The following CEMIP variants were observed in gnomAD, a reference collection of about 807,000 sequenced individuals.
CEMIP encodes the protein cell migration-inducing and hyaluronan-binding protein.
A neutral mutation model predicts 156.9 loss-of-function variants in CEMIP; 105 were observed. That is an observed-to-expected ratio of 0.67 (90% CI 0.57 to 0.79). The LOEUF is 0.79. CEMIP is among the 30% of genes least tolerant of loss of function. The probability of loss-of-function intolerance (pLI) is 0.00; values close to 1 mark genes in which losing one functional copy is unlikely to be tolerated. For synonymous variants in CEMIP, 676 were observed against 668.4 expected, an observed-to-expected ratio of 1.01 and a Z score of -0.17; for missense variants, 1,457 against 1,769.4, an observed-to-expected ratio of 0.82 and a Z score of 3.17.
chr15:80,879,808 G>A lies in CEMIP; in HGVS notation c.334G>A (p.Ala112Thr). Residue 112 changes from alanine (A) to threonine (T), a missense_variant, in exon 5 of 30, where the codon GCC becomes ACC. By Grantham distance (58) the Ala-to-Thr change is moderately conservative (BLOSUM62 0). Transcript: ENST00000394685. ...CGGAGGAGAGCTGCATGCTGGGAGT[G>A]CCCTCTGCCCTTTCCAGGGCAATTT... Reference protein sequence around the residue: ...DNGGELHAGSALCPFQGNFTI... With the variant: ...DNGGELHAGSTLCPFQGNFTI... 6.2e-7 allele frequency: 1 copy of A among 1,614,180 alleles called. No individual in the cohort carries two copies. The highest frequency in any genetic ancestry group is 8.5e-7 in the Non-Finnish European group (1 of 1,180,030).
At chr15:80,789,367 G>A (rs191566897) in intron 1 of CEMIP, among the ~76,000 whole-genome samples, 20 of 152,242 alleles carry the variant, frequency 1.3e-4, no homozygotes, top group Non-Finnish European at 2.4e-4. Context: ...CTTCCTTTTC[G>A]GAGAGGGCAG....
chr15:80,891,264 C>A (rs921225903), intron 10 of CEMIP, among the ~76,000 whole-genome samples: 4 of 152,188 alleles, frequency 2.6e-5, no homozygotes, highest in Non-Finnish European at 5.9e-5. Flanking sequence ...GCCAGGAAAA[C>A]AGCATTCCTT....
intron 3 of CEMIP, among the ~76,000 whole-genome samples, chr15:80,874,469 T>TA (rs200991275): frequency 0.27 from 40,430 of 148,128 alleles, 6,020 homozygotes; most frequent in East Asian, 0.58. Flanking sequence ...AATAGGCTGT[T>TA]AAAAAAAAAA....
chr15:80,840,242 A>G (rs971721443), intron 1 of CEMIP, among the ~76,000 whole-genome samples: 3 of 152,258 alleles, frequency 2.0e-5, no homozygotes, highest in Admixed American at 2.0e-4. Context: ...AGGAGAGGGA[A>G]TTCCACACAG....
chr15:80,782,111 G>C (rs937555444), intron 1 of CEMIP, among the ~76,000 whole-genome samples: 1 of 152,184 alleles, frequency 6.6e-6, no homozygotes, highest in East Asian at 1.9e-4. Context: ...ACACTACTTG[G>C]AGGAAAGATA....
chr15:80,821,505 C>CT (rs993272405), intron 1 of CEMIP, among the ~76,000 whole-genome samples: 1 of 152,074 alleles, frequency 6.6e-6, no homozygotes, highest in South Asian at 2.1e-4. Flanking sequence ...GGCAGGGAGG[C>CT]TTTTTCCATC....
intron 1 of CEMIP, among the ~76,000 whole-genome samples, chr15:80,793,271 G>A (rs925110): frequency 0.17 from 25,189 of 152,204 alleles, 2,626 homozygotes; most frequent in East Asian, 0.33. Context: ...TCTGCTCTCT[G>A]AAACTGGAAG....
chr15:80,944,389 A>G (rs571707466), intron 28 of CEMIP, among the ~76,000 whole-genome samples: 2 of 152,314 alleles, frequency 1.3e-5, no homozygotes, highest in African/African-American at 4.8e-5. Flanking sequence ...TGTTGGGGCC[A>G]TGTCTAACTT....
chr15:80,906,928 G>A lies in CEMIP; in HGVS notation c.1587+90G>A. ...GACGGGCCTTCTTGGTAGGGATGAG[G>A]GTGGGGGAACAGGAGGTGGGATCAA... is the stretch of plus-strand genomic sequence containing the variant. On this transcript the variant is annotated intron_variant, in intron 13 of 29. Transcript: ENST00000394685. The surrounding 1 kb of genome is among the most constrained non-coding windows in gnomAD (Gnocchi z 4.3). 1 of 1,420,534 alleles carries A rather than the reference G, an allele frequency of 7.0e-7. No homozygotes were observed. The highest frequency in any genetic ancestry group is 2.5e-5 in the East Asian group (1 of 40,362). The allele number at this position is 1,420,534 out of a possible 1,614,324, so 88.0% of individuals were successfully genotyped here.
intron 14 of CEMIP, 46 bp downstream of exon 14, chr15:80,909,352 T>C (rs1308090371): frequency 6.3e-7 from 1 of 1,578,412 alleles, no homozygotes; most frequent in South Asian, 1.1e-5. Context: ...GGGCCATGGA[T>C]GGTTAGCACT....
intron 14 of CEMIP, among the ~76,000 whole-genome samples, chr15:80,918,594 T>C (rs550520753): frequency 6.6e-6 from 1 of 152,320 alleles, no homozygotes; most frequent in Non-Finnish European, 1.5e-5. Context: ...TGGCAGGTAC[T>C]GAATAGGTGT....
intron 1 of CEMIP, among the ~76,000 whole-genome samples, chr15:80,831,280 C>T (rs998480469): frequency 1.3e-5 from 2 of 152,020 alleles, no homozygotes; most frequent in Non-Finnish European, 2.9e-5. Flanking sequence ...TGGAAGGTAT[C>T]GTGGGAGAGG....
intron 1 of CEMIP, among the ~76,000 whole-genome samples, chr15:80,802,403 C>T (rs62006884): frequency 0.36 from 54,280 of 152,128 alleles, 10,782 homozygotes; most frequent in Non-Finnish European, 0.46. Flanking sequence ...TTCAGCTGGG[C>T]GTGGGCAGGC....
intron 29 of CEMIP, 172 bp downstream of exon 29, chr15:80,947,237 T>C (rs925964988): frequency 9.9e-6 from 6 of 607,254 alleles, no homozygotes; most frequent in Middle Eastern, 6.1e-4. Context: ...ATGGGCAAGA[T>C]GCCACCTGTT....
Position 80,921,033 on chromosome 15 carries a change from G to A in CEMIP, c.2005G>A (p.Ala669Thr), listed in dbSNP as rs1330975498. 6.2e-7 allele frequency: 1 copy of A among 1,614,120 alleles called. No homozygotes were observed. Among genetic ancestry groups the A allele is most frequent in the Non-Finnish European group, 8.5e-7 (1 of 1,179,966 alleles). ...CAGGTATCTCTGCCCTCCCTGCAGTGCTGTGTCCACCTTCTGGATGGCCAA... is the reference window on the plus strand; with the variant it reads ...CAGGTATCTCTGCCCTCCCTGCAGTACTGTGTCCACCTTCTGGATGGCCAA... ...YIPKPRQDCN[A>T]VSTFWMANPN... is the part of the protein sequence containing the mutation. The change falls in exon 16 of 30, where the codon GCT (alanine) becomes ACT (threonine). Residue 669 changes from alanine (A) to threonine (T), a missense_variant and splice_region_variant. Physicochemically the swap from Ala to Thr is moderately conservative, Grantham distance 58 (BLOSUM62 0). Transcript: ENST00000394685.
At chr15:80,785,415 G>A (rs535887932) in intron 1 of CEMIP, among the ~76,000 whole-genome samples, 1 of 152,316 alleles carries the variant, frequency 6.6e-6, no homozygotes, top group South Asian at 2.1e-4. Context: ...AGATGCTGGT[G>A]TGCAATTGTG....
intron 1 of CEMIP, among the ~76,000 whole-genome samples, chr15:80,867,121 G>A (rs1340428511): frequency 6.6e-6 from 1 of 152,166 alleles, no homozygotes; most frequent in East Asian, 1.9e-4. Flanking sequence ...CTAGATCCTT[G>A]CTGCTTAAAG....
At chr15:80,934,663 T>G (rs1434851317) in intron 23 of CEMIP, among the ~76,000 whole-genome samples, 4 of 151,792 alleles carry the variant, frequency 2.6e-5, no homozygotes, top group African/African-American at 9.7e-5. Flanking sequence ...AAATGGTGGT[T>G]TGGGGGTGGA....
intron 1 of CEMIP, among the ~76,000 whole-genome samples, chr15:80,862,540 C>T (rs967715261): frequency 3.3e-5 from 5 of 152,300 alleles, no homozygotes; most frequent in Admixed American, 2.0e-4. Context: ...CCATGGGAGC[C>T]AGGTCACCTG....
Sources: gnomAD v4.1 joint callset for allele counts (sites outside exome capture counted in the v4.1 genomes callset) on GRCh38, gnomAD v4.1.1 for gene constraint, Gnocchi (gnomAD v3.1) non-coding constraint, MANE v1.5 for transcripts, NCBI Gene and HGNC (gene_info 2026-07-23, HGNC 2026-07-21) for gene names.